The following NAT16 variants were observed in gnomAD, a reference collection of about 807,000 sequenced individuals.
NAT16 encodes the protein N-acetyltransferase 16 (putative), also known as probable N-acetyltransferase 16.
A neutral mutation model predicts 15.9 loss-of-function variants in NAT16; 16 were observed. That is an observed-to-expected ratio of 1.01 (90% CI 0.68 to 1.53). NAT16 has a LOEUF of 1.53. Ranked by LOEUF, NAT16 falls within the 40% of genes most tolerant of loss-of-function variation. The probability of loss-of-function intolerance (pLI) is 0.00; values close to 1 mark genes in which losing one functional copy is unlikely to be tolerated. For missense variants in NAT16, 572 were observed against 508.4 expected, an observed-to-expected ratio of 1.13 and a Z score of -1.20; for synonymous variants, 260 against 241.9, an observed-to-expected ratio of 1.07 and a Z score of -0.69.
rs1207118348 is a variant in NAT16, at chr7:101,172,885, G to C, written c.538-234C>G. On this transcript the variant is annotated intron_variant, in intron 3 of 3. Coordinates refer to ENST00000300303, the MANE Select transcript of NAT16 (RefSeq NM_198571.3). The surrounding 1 kb of genome is among the most constrained non-coding windows in gnomAD (Gnocchi z 4.2). ...CTCCCAGTACGTGGATCCCCAAGAA[G>C]AGGTGGGATCAGTATGGAGTAGCCA... is the stretch of plus-strand genomic sequence containing the variant. Among the ~76,000 whole-genome samples the C allele has an allele frequency of 6.6e-6, 1 of 152,186 alleles. No individual in the cohort carries two copies. Among genetic ancestry groups the C allele is most frequent in the African/African-American group, 2.4e-5 (1 of 41,448 alleles).
intron 2 of NAT16, chr7:101,174,246 G>A (rs903215387): frequency 1.9e-6 from 1 of 513,676 alleles, no homozygotes. Context: ...AATTCCTCCG[G>A]TGGATCCTCG....
intron 1 of NAT16, among the ~76,000 whole-genome samples, chr7:101,178,271 C>A (rs544381915): frequency 3.3e-5 from 5 of 152,294 alleles, no homozygotes. Flanking sequence ...ACCCAGGCAC[C>A]ACCTCTACCC....
chr7:101,172,348 TGCACAGCGTGAGCACGCGCGGGCGCGC>T lies in NAT16; in HGVS notation c.814_840del (p.Ala272_Cys280del), dbSNP rs769686412. On this transcript the variant is annotated inframe_deletion, in exon 4 of 4. Coordinates refer to ENST00000300303, the MANE Select transcript of NAT16 (RefSeq NM_198571.3). The surrounding 1 kb of genome is among the most constrained non-coding windows in gnomAD (Gnocchi z 4.2). ...CCGTGCGGGATGGGGAAGGGGCGCG[TGCACAGCGTGAGCACGCGCGGGCGCGC>T]GCGGCTGTCCACGCGCCACTCCAGG... is the stretch of plus-strand genomic sequence containing the variant. The T allele has an allele frequency of 1.3e-4, 204 of 1,594,264 alleles. 2 individuals carry two copies. In the East Asian group the frequency reaches 3.5e-3, roughly 28 times the overall value.
In NAT16 at chr7:101,172,296, T is replaced by C. The variant is rs753012590; in HGVS notation, c.893A>G (p.Asn298Ser). ...GCCGTCGCTACCGAAGGCGTCGATG[T>C]TGAGATAGCGCCAAGTGCCGTCCCC... Reference protein sequence around the residue: ...HGGDGTWRYLNIDAFGSDGAQ... With the variant: ...HGGDGTWRYLSIDAFGSDGAQ... Residue 298 changes from asparagine to serine, a missense_variant, in exon 4 of 4, where the codon AAC becomes AGC. Physicochemically the swap from Asn to Ser is conservative, Grantham distance 46. Coordinates refer to ENST00000300303, the MANE Select transcript of NAT16 (RefSeq NM_198571.3). This position sits in a 1 kb window ranked among gnomAD's most constrained non-coding sequence, Gnocchi z 4.2. The C allele has an allele frequency of 6.2e-7, 1 of 1,611,730 alleles. No individual in the cohort carries two copies. The highest frequency in any genetic ancestry group is 1.1e-5 in the South Asian group (1 of 91,002).
chr7:101,174,870 C>G, intron 1 of NAT16, 59 bp from the exon 2 acceptor site: 1 of 1,496,406 alleles, frequency 6.7e-7, no homozygotes, highest in South Asian at 1.3e-5. Flanking sequence ...ACATCTGGGC[C>G]CCTGCACACA....
chr7:101,173,596 C>T, intron 2 of NAT16, 76 bp from the exon 3 acceptor site: 1 of 1,314,574 alleles, frequency 7.6e-7, no homozygotes, highest in Non-Finnish European at 1.0e-6. Flanking sequence ...CTGGGCTCTC[C>T]TCTTCCCACA....
At position 101,173,422 on chromosome 7, in the gene NAT16, C is replaced by T. The variant is rs768655404; in HGVS notation, c.411G>A (p.Gly137=). 1.9e-6 allele frequency: 3 copies of T among 1,612,970 alleles called. No individual in the cohort carries two copies. The highest frequency in any genetic ancestry group is 2.5e-6 in the Non-Finnish European group (3 of 1,179,376). ...GCTGCGAGCAGAAGCGCTGCAGCAG[C>T]CCGGCCACGCCCTTCCCGCGCTCCC... ...APWERGKGVA[G]LLQRFCSQLV... The change falls in exon 3 of 4, where the codon GGG becomes GGA. Residue 137 remains glycine, a synonymous_variant. Coordinates refer to ENST00000300303, the MANE Select transcript of NAT16 (RefSeq NM_198571.3).
Position 101,173,441 on chromosome 7 carries a change from C to A in NAT16, c.392G>T (p.Arg131Leu), listed in dbSNP as rs1390480121. ...CAGCAGCCCGGCCACGCCCTTCCCG[C>A]GCTCCCAGGGCGCCACGCGCAGCCC... ...VEGLRVAPWERGKGVAGLLQR... is the reference protein window; with the variant it reads ...VEGLRVAPWELGKGVAGLLQR... Residue 131 changes from arginine (R) to leucine (L), a missense_variant, in exon 3 of 4, where the codon CGC (arginine) becomes CTC (leucine). Transcript: ENST00000300303. The A allele has an allele frequency of 6.2e-7, 1 of 1,612,410 alleles. No individual in the cohort carries two copies. Among genetic ancestry groups the A allele is most frequent in the African/African-American group, 1.3e-5 (1 of 74,908 alleles).
chr7:101,172,801 G>T lies in NAT16; in HGVS notation c.538-150C>A. 1.5e-6 allele frequency: 1 copy of T among 645,848 alleles called. No individual in the cohort carries two copies. The highest frequency in any genetic ancestry group is 2.5e-6 in the Non-Finnish European group (1 of 397,974). 40.0% of individuals were successfully genotyped at this position (645,848 alleles called of 1,614,324 possible). A position where few individuals can be genotyped will look rare whatever the true frequency, so the allele number is the denominator to read the frequency against. ...GGAGCGACCGTGAGGGCTCCGGGCC[G>T]AGTGGGGTATGGGAAAGCCTGGGTT... On this transcript the variant is annotated intron_variant, in intron 3 of 3. Transcript: ENST00000300303. This position sits in a 1 kb window ranked among gnomAD's most constrained non-coding sequence, Gnocchi z 4.2.
intron 1 of NAT16, 55 bp downstream of exon 1, chr7:101,179,987 G>C (rs181480684): frequency 2.0e-5 from 3 of 152,324 alleles, no homozygotes; most frequent in Admixed American, 1.3e-4. Context: ...CCCATTCTGC[G>C]GTGGAGGAGC....
At position 101,173,540 on chromosome 7, in the gene NAT16, G is replaced by A; in HGVS notation, c.313-20C>T. 13 of 1,543,896 alleles carry A rather than the reference G, an allele frequency of 8.4e-6. No homozygotes were observed. Among genetic ancestry groups the A allele is most frequent in the African/African-American group, 4.1e-5 (3 of 73,140 alleles). On this transcript the variant is annotated intron_variant, in intron 2 of 3. Coordinates refer to ENST00000300303, the MANE Select transcript of NAT16 (RefSeq NM_198571.3). ...CGCGATCTGCGGACCGAGGCCGTTAGCGCGGGGCCCTCCCCGCCTGCGCCC... is the reference window on the plus strand; with the variant it reads ...CGCGATCTGCGGACCGAGGCCGTTAACGCGGGGCCCTCCCCGCCTGCGCCC...
At chr7:101,177,994 G>A (rs1584225178) in intron 1 of NAT16, among the ~76,000 whole-genome samples, 1 of 152,314 alleles carries the variant, frequency 6.6e-6, no homozygotes, top group East Asian at 1.9e-4. Flanking sequence ...ATGCAAGCTA[G>A]TGGTTCAGTG....
In NAT16 at chr7:101,171,663, A is replaced by T. The variant is rs1584218322; in HGVS notation, c.*416T>A. ...GGGAACGAGGCTGGGCATCCCACAC[A>T]CTCCTGAGTTCTTCCACCCACGAGG... On this transcript the variant is annotated 3_prime_UTR_variant, in exon 4 of 4. Coordinates refer to ENST00000300303, the MANE Select transcript of NAT16 (RefSeq NM_198571.3). 6.1e-6 allele frequency: 1 copy of T among 165,016 alleles called. No individual in the cohort carries two copies. The highest frequency in any genetic ancestry group is 6.3e-5 in the Admixed American group (1 of 15,898). 10.2% of individuals were successfully genotyped at this position (165,016 alleles called of 1,614,324 possible).
rs1004735514 is a variant in NAT16 at position 101,172,025 on chromosome 7, G to A, written c.*54C>T. Reference sequence around the variant, plus strand: ...AAATGGCAGGAAAGAGGCTGGCTGGGGAAACTGCGGAAGGGGGCGGGTCTT... The same window carrying A: ...AAATGGCAGGAAAGAGGCTGGCTGGAGAAACTGCGGAAGGGGGCGGGTCTT... On this transcript the variant is annotated 3_prime_UTR_variant, in exon 4 of 4. Coordinates refer to ENST00000300303, the MANE Select transcript of NAT16 (RefSeq NM_198571.3). The surrounding 1 kb of genome is among the most constrained non-coding windows in gnomAD (Gnocchi z 4.2). 4.6e-6 allele frequency: 6 copies of A among 1,307,708 alleles called. No homozygotes were observed. Among genetic ancestry groups the A allele is most frequent in the Non-Finnish European group, 6.5e-6 (6 of 927,296 alleles). 81.0% of individuals were successfully genotyped at this position (1,307,708 alleles called of 1,614,324 possible). A position where few individuals can be genotyped will look rare whatever the true frequency, so the allele number is the denominator to read the frequency against.
chr7:101,175,494 C>T (rs1351903632), intron 1 of NAT16, among the ~76,000 whole-genome samples: 1 of 151,950 alleles, frequency 6.6e-6, no homozygotes, highest in African/African-American at 2.4e-5. Flanking sequence ...TCAGAAATCT[C>T]AGCTCTACCC....
chr7:101,178,904 A>C, intron 1 of NAT16, among the ~76,000 whole-genome samples: 1 of 150,300 alleles, frequency 6.7e-6, no homozygotes, highest in African/African-American at 2.4e-5. Context: ...AAAAAAAAAA[A>C]AAAAAAGAGG....
intron 1 of NAT16, 23 bp from the exon 2 acceptor site, chr7:101,174,834 G>A (rs201805257): frequency 1.3e-6 from 2 of 1,523,244 alleles, no homozygotes; most frequent in East Asian, 2.3e-5. Context: ...AGAGAATTCA[G>A]CACCTGGATC....
At chr7:101,174,221 G>T in intron 2 of NAT16, 2 of 510,122 alleles carry the variant, frequency 3.9e-6, no homozygotes, top group Non-Finnish European at 3.4e-6. Context: ...CACCTCCTTT[G>T]CTTTTACCCC....
In NAT16 at chr7:101,172,603, C is replaced by G. The variant is rs773425116; in HGVS notation, c.586G>C (p.Gly196Arg). ...FNASALLAGL[G>R]ARLAALRTSG... ...GTCCGCAGCGCCGCCAGCCGCGCGC[C>G]CAGCCCGGCCAGCAGCGCGGACGCG... The change falls in exon 4 of 4, where the codon GGC becomes CGC. Residue 196 changes from glycine to arginine, a missense_variant. Gly to Arg is a moderately radical substitution (Grantham distance 125). Coordinates refer to ENST00000300303, the MANE Select transcript of NAT16 (RefSeq NM_198571.3). The surrounding 1 kb of genome is among the most constrained non-coding windows in gnomAD (Gnocchi z 4.2). 1 of 1,526,858 alleles carries G rather than the reference C, an allele frequency of 6.5e-7. No individual in the cohort carries two copies. The highest frequency in any genetic ancestry group is 8.7e-7 in the Non-Finnish European group (1 of 1,145,372). 94.6% of individuals were successfully genotyped at this position (1,526,858 alleles called of 1,614,324 possible).
Sources: gnomAD v4.1 joint callset for allele counts (sites outside exome capture counted in the v4.1 genomes callset) on GRCh38, gnomAD v4.1.1 for gene constraint, Gnocchi (gnomAD v3.1) non-coding constraint, MANE v1.5 for transcripts, NCBI Gene and HGNC (gene_info 2026-07-23, HGNC 2026-07-21) for gene names.